The following METTL15 variants were observed in gnomAD, a reference collection of about 807,000 sequenced individuals.
METTL15 encodes the protein methyltransferase 15, mitochondrial 12S rRNA N4-cytidine.
Under a neutral mutation model 38.3 loss-of-function variants are expected in METTL15, and 34 were observed. That is an observed-to-expected ratio of 0.89 (90% CI 0.68 to 1.18). The LOEUF is 1.18. Among genes scored for constraint, METTL15 ranks in the 50% most tolerant of loss-of-function variants. The pLI is 0.00. For synonymous variants in METTL15, 162 were observed against 170.9 expected, an observed-to-expected ratio of 0.95 and a Z score of 0.41; for missense variants, 438 against 498.4, an observed-to-expected ratio of 0.88 and a Z score of 1.15.
At chr11:28,191,686 A>G (rs918833162) in intron 3 of METTL15, among the ~76,000 whole-genome samples, 1 of 151,646 alleles carries the variant, frequency 6.6e-6, no homozygotes, top group Non-Finnish European at 1.5e-5. Flanking sequence ...TGGCACGGAA[A>G]TATTTTAAGA....
chr11:28,262,372 GTGTATAGTATAAC>G (rs1855240549), intron 4 of METTL15, among the ~76,000 whole-genome samples: 1 of 150,668 alleles, frequency 6.6e-6, no homozygotes, highest in African/African-American at 2.4e-5. Context: ...AGATATATAT[GTGTATAGTATAAC>G]TGTATAGTAT....
At position 28,166,074 on chromosome 11, in the gene METTL15, A is replaced by T. The variant is rs78327426; in HGVS notation, c.271-44988A>T. On this transcript the variant is annotated intron_variant, in intron 3 of 6. Coordinates refer to ENST00000407364, the MANE Select transcript of METTL15 (RefSeq NM_001113528.2). ...ATATATTTTGAAATCTGGGAATGTGATTCTTCCAACTTTGTTATTTTTGCT... is the reference window on the plus strand; with the variant it reads ...ATATATTTTGAAATCTGGGAATGTGTTTCTTCCAACTTTGTTATTTTTGCT... Among the ~76,000 whole-genome samples the T allele has an allele frequency of 4.5e-3, 681 of 152,178 alleles. 7 individuals carry two copies. Among genetic ancestry groups the T allele is most frequent in the African/African-American group, 0.016 (656 of 41,514 alleles).
intron 6 of METTL15, among the ~76,000 whole-genome samples, chr11:28,451,658 A>G (rs534879130): frequency 6.6e-6 from 1 of 152,296 alleles, no homozygotes; most frequent in East Asian, 1.9e-4. Context: ...AAATAAGGAA[A>G]TACAGCTAGC....
intron 6 of METTL15, among the ~76,000 whole-genome samples, chr11:28,462,290 T>A (rs1010892016): frequency 6.6e-6 from 1 of 152,020 alleles, no homozygotes. Context: ...AGAATGGAAG[T>A]GTAGGACATG....
chr11:28,473,082 T>G (rs1179452534), intron 6 of METTL15, among the ~76,000 whole-genome samples: 1 of 152,150 alleles, frequency 6.6e-6, no homozygotes, highest in East Asian at 1.9e-4. Flanking sequence ...GGAAAGAGCA[T>G]GTAGTTCTAG....
At chr11:28,362,958 G>A (rs188892047) in intron 5 of METTL15, among the ~76,000 whole-genome samples, 2 of 152,252 alleles carry the variant, frequency 1.3e-5, no homozygotes, top group South Asian at 2.1e-4. Flanking sequence ...GGCTGAACTA[G>A]TTTCTATTCT....
intron 4 of METTL15, among the ~76,000 whole-genome samples, chr11:28,273,925 C>G (rs1239079563): frequency 6.6e-6 from 1 of 151,904 alleles, no homozygotes; most frequent in South Asian, 2.1e-4. Flanking sequence ...CACCAATCAC[C>G]CTTTTGCAAA....
At chr11:28,369,129 T>C (rs2133373811) in intron 5 of METTL15, among the ~76,000 whole-genome samples, 1 of 152,128 alleles carries the variant, frequency 6.6e-6, no homozygotes, top group South Asian at 2.1e-4. Context: ...TCTGCACATG[T>C]ACCCCAGAAC....
At chr11:28,283,068 A>G (rs552667994) in intron 4 of METTL15, among the ~76,000 whole-genome samples, 1 of 152,142 alleles carries the variant, frequency 6.6e-6, no homozygotes, top group Non-Finnish European at 1.5e-5. Flanking sequence ...CTTGAGATTA[A>G]AGATGTATAA....
At chr11:28,434,609 A>G (rs1360489305) in intron 6 of METTL15, among the ~76,000 whole-genome samples, 1 of 152,194 alleles carries the variant, frequency 6.6e-6, no homozygotes, top group African/African-American at 2.4e-5. Flanking sequence ...TTTAAAAGGA[A>G]CTCTACTACT....
At chr11:28,366,527 T>C (rs1181258139) in intron 5 of METTL15, among the ~76,000 whole-genome samples, 1 of 152,128 alleles carries the variant, frequency 6.6e-6, no homozygotes, top group Non-Finnish European at 1.5e-5. Context: ...CTGCCATCAA[T>C]TGAGTGAGCT....
intron 4 of METTL15, among the ~76,000 whole-genome samples, chr11:28,211,430 C>G (rs1198246233): frequency 6.6e-6 from 1 of 152,002 alleles, no homozygotes; most frequent in Non-Finnish European, 1.5e-5. Flanking sequence ...AAAATGTCTT[C>G]CACCTACAAG....
intron 6 of METTL15, among the ~76,000 whole-genome samples, chr11:28,311,778 C>A (rs564591975): frequency 2.0e-5 from 3 of 152,178 alleles, no homozygotes; most frequent in African/African-American, 4.8e-5. Flanking sequence ...TTATTTTTAA[C>A]CTTTGTTGAA....
At chr11:28,381,862 C>T (rs1221636392) in intron 5 of METTL15, among the ~76,000 whole-genome samples, 1 of 151,382 alleles carries the variant, frequency 6.6e-6, no homozygotes, top group Non-Finnish European at 1.5e-5. Context: ...GGGCCAATCA[C>T]TGTATCTTTG....
rs1474355395 is a variant in METTL15 at position 28,333,343 on chromosome 11, C to T, written c.*2502C>T. 9 of 152,082 alleles carry T rather than the reference C, an allele frequency of 5.9e-5. No individual in the cohort carries two copies. The highest frequency in any genetic ancestry group is 5.9e-4 in the Admixed American group (9 of 15,266). The allele number at this position is 152,082 out of a possible 1,614,324, so 9.4% of individuals were successfully genotyped here. ...AGATTGTGTTTTATAGTAATTCTTG[C>T]CTGCTTCTTAGTCTTTGTTGTAGGA... On this transcript the variant is annotated 3_prime_UTR_variant, in exon 7 of 7. Coordinates refer to ENST00000407364, the MANE Select transcript of METTL15 (RefSeq NM_001113528.2).
At chr11:28,524,456 T>A (rs1851792693) in intron 6 of METTL15, among the ~76,000 whole-genome samples, 1 of 152,202 alleles carries the variant, frequency 6.6e-6, no homozygotes. Flanking sequence ...TTGGGCATAG[T>A]CACTAGAACA....
intron 4 of METTL15, among the ~76,000 whole-genome samples, chr11:28,278,874 T>C (rs1440369754): frequency 1.3e-5 from 2 of 152,192 alleles, no homozygotes; most frequent in East Asian, 1.9e-4. Context: ...TCACCCAGGC[T>C]TGAGTGCAGT....
chr11:28,267,800 T>G (rs979952265), intron 4 of METTL15, among the ~76,000 whole-genome samples: 8 of 152,232 alleles, frequency 5.3e-5, no homozygotes, highest in African/African-American at 1.4e-4. Flanking sequence ...CTCCTTGCCT[T>G]CCTTATACAA....
At chr11:28,272,006 A>C (rs974227436) in intron 4 of METTL15, among the ~76,000 whole-genome samples, 1 of 152,224 alleles carries the variant, frequency 6.6e-6, no homozygotes, top group Admixed American at 6.5e-5. Flanking sequence ...TGCAAATCAA[A>C]ACCACAATGA....
Sources: gnomAD v4.1 joint callset for allele counts (sites outside exome capture counted in the v4.1 genomes callset) on GRCh38, gnomAD v4.1.1 for gene constraint, MANE v1.5 for transcripts, NCBI Gene and HGNC (gene_info 2026-07-23, HGNC 2026-07-21) for gene names.